The following CTNND2 variants were observed in gnomAD, a reference collection of about 807,000 sequenced individuals.
CTNND2 encodes catenin delta 2.
In CTNND2, 22 loss-of-function variants were observed where a neutral mutation model predicts 144.4. The ratio of observed to expected loss-of-function variants is 0.15; its 90% CI spans 0.11 to 0.22. The LOEUF is 0.22. Among genes scored for constraint, CTNND2 ranks in the 10% least tolerant of loss-of-function variants. CTNND2 has a pLI of 1.00. For synonymous variants in CTNND2, 751 were observed against 695.6 expected (o/e 1.08, Z -1.25); for missense variants, 1,353 against 1,618.8 (o/e 0.84, Z 2.82).
chr5:11,880,185 A>G (rs1176716834), intron 1 of CTNND2, among the ~76,000 whole-genome samples: 2 of 152,172 alleles, frequency 1.3e-5, no homozygotes, highest in Non-Finnish European at 2.9e-5. Context: ...TTTCATGAAG[A>G]CATTATGCTC....
chr5:11,238,456 T>A (rs1278127947), intron 9 of CTNND2, among the ~76,000 whole-genome samples: 2 of 152,064 alleles, frequency 1.3e-5, no homozygotes, highest in African/African-American at 4.8e-5. Flanking sequence ...CAGACAAAGG[T>A]TAAAAGTGTC....
chr5:11,488,937 T>C (rs1769112813), intron 3 of CTNND2, among the ~76,000 whole-genome samples: 1 of 152,192 alleles, frequency 6.6e-6, no homozygotes, highest in South Asian at 2.1e-4. Context: ...AACATGGACG[T>C]GTAGAGTTTA....
intron 1 of CTNND2, among the ~76,000 whole-genome samples, chr5:11,808,389 A>G (rs192382408): frequency 1.3e-5 from 2 of 152,258 alleles, no homozygotes; most frequent in Admixed American, 1.3e-4. Flanking sequence ...CAAACAGGCA[A>G]TTACAACACA....
chr5:11,012,119 T>C (rs578253880), intron 18 of CTNND2, among the ~76,000 whole-genome samples: 1 of 152,120 alleles, frequency 6.6e-6, no homozygotes, highest in Admixed American at 6.5e-5. Flanking sequence ...GCAACTCCCA[T>C]GGATATATTA....
In CTNND2 at chr5:11,412,015, A is replaced by C. The variant is rs527692947; in HGVS notation, c.322+20T>G. On this transcript the variant is annotated intron_variant, in intron 4 of 21. Coordinates refer to ENST00000304623, the MANE Select transcript of CTNND2 (RefSeq NM_001332.4). The stretch of plus-strand genomic sequence containing the variant: ...GATATGTTTAGAAGTGTAAGTGTTC[A>C]TCAATAAGATAGACATTACCTTGTG... The C allele has an allele frequency of 6.3e-7, 1 of 1,598,216 alleles. No individual in the cohort carries two copies. Among genetic ancestry groups the C allele is most frequent in the Non-Finnish European group, 8.6e-7 (1 of 1,165,760 alleles).
intron 2 of CTNND2, among the ~76,000 whole-genome samples, chr5:11,706,902 G>A (rs1383725274): frequency 3.9e-5 from 6 of 152,024 alleles, no homozygotes; most frequent in African/African-American, 9.6e-5. Context: ...TGGCTAACGC[G>A]GTGAAACCCC....
At chr5:11,222,345 G>A (rs1000780494) in intron 10 of CTNND2, among the ~76,000 whole-genome samples, 1 of 152,190 alleles carries the variant, frequency 6.6e-6, no homozygotes, top group African/African-American at 2.4e-5. Flanking sequence ...CAGTTTCAGA[G>A]ACTGCTGTCT....
At chr5:11,186,541 T>C (rs1034398472) in intron 11 of CTNND2, among the ~76,000 whole-genome samples, 3 of 152,214 alleles carry the variant, frequency 2.0e-5, no homozygotes, top group African/African-American at 2.4e-5. Context: ...CATTGGATAG[T>C]GTAGTTACCA....
intron 1 of CTNND2, among the ~76,000 whole-genome samples, chr5:11,734,706 C>T (rs1345075507): frequency 6.6e-6 from 1 of 152,146 alleles, no homozygotes; most frequent in Non-Finnish European, 1.5e-5. Flanking sequence ...CTGGGTTTTA[C>T]ATTAAGAGAT....
At position 11,381,977 on chromosome 5, in the gene CTNND2, A is replaced by AAAAACAAAAC. The variant is rs70949320; in HGVS notation, c.1177+2678_1177+2687dup. Among the ~76,000 whole-genome samples, 108 of 151,124 alleles carry AAAAACAAAAC rather than the reference A, an allele frequency of 7.1e-4. 1 individual carries two copies. The highest frequency in any genetic ancestry group is 2.4e-3 in the African/African-American group (100 of 41,138). On this transcript the variant is annotated intron_variant, in intron 7 of 21. Transcript: ENST00000304623. ...GAGAGACTCTGTCTCAAAAAAACAA[A>AAAAACAAAAC]AAAACAAAACAAAACAAAACAAAAC...
chr5:11,800,126 AT>A (rs1791600486), intron 1 of CTNND2, among the ~76,000 whole-genome samples: 1 of 152,212 alleles, frequency 6.6e-6, no homozygotes. Context: ...ATGAAATGAA[AT>A]TAAGTATATA....
chr5:11,204,115 C>T (rs1737794496), intron 10 of CTNND2, among the ~76,000 whole-genome samples: 1 of 152,136 alleles, frequency 6.6e-6, no homozygotes, highest in Non-Finnish European at 1.5e-5. Flanking sequence ...GAGTAATCTA[C>T]AAGGAGTAAG....
At chr5:11,225,808 T>A (rs1292523404) in intron 10 of CTNND2, among the ~76,000 whole-genome samples, 1 of 152,212 alleles carries the variant, frequency 6.6e-6, no homozygotes, top group African/African-American at 2.4e-5. Flanking sequence ...GAAACCCTAG[T>A]ACCTGGGACC....
chr5:11,864,999 A>T (rs1027754638), intron 1 of CTNND2, among the ~76,000 whole-genome samples: 9 of 144,066 alleles, frequency 6.2e-5, no homozygotes, highest in Non-Finnish European at 8.9e-5. Flanking sequence ...GGTTCAGGCA[A>T]TCCTCCTGCC....
At chr5:10,993,831 A>G (rs1199313643) in intron 18 of CTNND2, among the ~76,000 whole-genome samples, 2 of 152,172 alleles carry the variant, frequency 1.3e-5, no homozygotes, top group Non-Finnish European at 2.9e-5. Context: ...AATTAGGAAC[A>G]TGGAAATGAG....
At chr5:11,117,998 C>T (rs1263755430) in intron 12 of CTNND2, among the ~76,000 whole-genome samples, 1 of 152,190 alleles carries the variant, frequency 6.6e-6, no homozygotes, top group Non-Finnish European at 1.5e-5. Flanking sequence ...CAAAAGATAC[C>T]TACCTTGGCC....
chr5:11,626,266 G>T (rs1032568198), intron 2 of CTNND2, among the ~76,000 whole-genome samples: 1 of 152,046 alleles, frequency 6.6e-6, no homozygotes, highest in South Asian at 2.1e-4. Flanking sequence ...TTTTGCCTTC[G>T]ACTCCATTTC....
intron 2 of CTNND2, among the ~76,000 whole-genome samples, chr5:11,580,412 T>C (rs1778334453): frequency 6.6e-6 from 1 of 152,214 alleles, no homozygotes. Context: ...CAAGTGTACA[T>C]TATTCACTTG....
chr5:11,065,038 T>G (rs752034066), intron 16 of CTNND2, among the ~76,000 whole-genome samples: 1 of 152,238 alleles, frequency 6.6e-6, no homozygotes, highest in Admixed American at 6.5e-5. Flanking sequence ...GCAGTTTTCC[T>G]GCATTTCATT....
Sources: allele counts gnomAD v4.1 joint callset (sites outside exome capture counted in the v4.1 genomes callset), GRCh38; gene constraint gnomAD v4.1.1; transcripts MANE v1.5; gene names NCBI Gene and HGNC (gene_info 2026-07-23, HGNC 2026-07-21).